Variants in CACNB4 observed in about 807,000 individuals in gnomAD.
CACNB4 encodes voltage-dependent L-type calcium channel subunit beta-4.
CACNB4 carries 32 observed loss-of-function variants against 71.2 expected under a neutral mutation model. The observed-to-expected ratio is 0.45, with a 90% CI of 0.34 to 0.60. The LOEUF (loss-of-function observed/expected upper bound fraction) is 0.60. Among genes scored for constraint, CACNB4 ranks in the 20% least tolerant of loss-of-function variants. The pLI is 0.01. For synonymous variants in CACNB4, 231 were observed against 236.9 expected, an observed-to-expected ratio of 0.97 and a Z score of 0.23; for missense variants, 464 against 647.9, an observed-to-expected ratio of 0.72 and a Z score of 3.08.
At position 151,839,198 on chromosome 2, in the gene CACNB4, G is replaced by T; in HGVS notation, c.1484C>A (p.Ser495Ter). ...ATGGGGTTTGTAAGTGTCCTGGTAT[G>T]AGTCAGGGTAATCTTCTTCCACAAG... Reference protein sequence around the residue: ...YPLVEEDYPDSYQDTYKPHRN... With the variant: ...YPLVEEDYPD The change falls in exon 14 of 14, where the codon TCA (serine) becomes TAA (stop). Residue 495 changes from serine to a stop codon, truncating the protein, a stop_gained. Coordinates refer to ENST00000539935, the MANE Select transcript of CACNB4 (RefSeq NM_000726.5). LOFTEE classifies it high-confidence loss of function. 1 of 1,613,384 alleles carries T rather than the reference G, an allele frequency of 6.2e-7. No homozygotes were observed. Among genetic ancestry groups the T allele is most frequent in the East Asian group, 2.2e-5 (1 of 44,876 alleles).
intron 13 of CACNB4, among the ~76,000 whole-genome samples, chr2:151,840,821 T>C (rs922492417): frequency 1.3e-5 from 2 of 152,244 alleles, no homozygotes; most frequent in African/African-American, 2.4e-5. Context: ...AAACTCATCA[T>C]GATACAAGAG....
At chr2:151,983,738 G>A (rs2099875139) in intron 2 of CACNB4, among the ~76,000 whole-genome samples, 1 of 149,080 alleles carries the variant, frequency 6.7e-6, no homozygotes, top group South Asian at 2.1e-4. Context: ...ATTTAGTAAT[G>A]CATTTTTCTT....
intron 2 of CACNB4, among the ~76,000 whole-genome samples, chr2:152,026,268 C>T (rs761323200): frequency 1.6e-4 from 25 of 152,198 alleles, no homozygotes; most frequent in Non-Finnish European, 3.2e-4. Context: ...TCCTCCTTCC[C>T]TCCTGAATCT....
intron 2 of CACNB4, among the ~76,000 whole-genome samples, chr2:151,895,770 CAAT>C (rs917890450): frequency 6.6e-6 from 1 of 150,644 alleles, no homozygotes; most frequent in African/African-American, 2.4e-5. Context: ...CTATCAAAAC[CAAT>C]AATAACCACT....
At chr2:151,885,175 G>C (rs1278410410) in intron 2 of CACNB4, among the ~76,000 whole-genome samples, 1 of 152,162 alleles carries the variant, frequency 6.6e-6, no homozygotes, top group Non-Finnish European at 1.5e-5. Context: ...TCTAAATTTT[G>C]CCTCTGCAAC....
At chr2:151,989,468 T>C (rs1398446525) in intron 2 of CACNB4, among the ~76,000 whole-genome samples, 5 of 152,230 alleles carry the variant, frequency 3.3e-5, no homozygotes, top group African/African-American at 1.2e-4. Context: ...TCTGACACTA[T>C]TGACCTTTCT....
chr2:152,051,030 A>C (rs1337203065), intron 2 of CACNB4, among the ~76,000 whole-genome samples: 1 of 151,930 alleles, frequency 6.6e-6, no homozygotes, highest in Non-Finnish European at 1.5e-5. Context: ...CGGCCTCCCA[A>C]GTGCTGGGAT....
intron 2 of CACNB4, among the ~76,000 whole-genome samples, chr2:152,012,229 C>A (rs534294236): frequency 6.6e-6 from 1 of 152,070 alleles, no homozygotes; most frequent in Admixed American, 6.5e-5. Flanking sequence ...CCTTCCAGTG[C>A]GAAAAGATGT....
At chr2:152,073,610 T>C (rs1806702) in intron 2 of CACNB4, among the ~76,000 whole-genome samples, 30,450 of 152,102 alleles carry the variant, frequency 0.2, 3,290 homozygotes, top group Middle Eastern at 0.36. Flanking sequence ...TGTTAAGGGA[T>C]TGGAAAACAG....
At chr2:151,892,545 A>T (rs936192570) in intron 2 of CACNB4, among the ~76,000 whole-genome samples, 4 of 152,148 alleles carry the variant, frequency 2.6e-5, no homozygotes, top group South Asian at 2.1e-4. Flanking sequence ...TGATTTTTTT[A>T]AAAAACTGGC....
rs529850597 is a variant in CACNB4 at position 152,085,966 on chromosome 2, G to A, written c.147+12364C>T. ...AACAATTGTTAGAAAACATACCAAG[G>A]TCCTTGTTTTTTATTCAACAATTAG... is the stretch of plus-strand genomic sequence containing the variant. On this transcript the variant is annotated intron_variant, in intron 2 of 13. Coordinates refer to ENST00000539935, the MANE Select transcript of CACNB4 (RefSeq NM_000726.5). Among the ~76,000 whole-genome samples, 10 of 151,936 alleles carry A rather than the reference G, an allele frequency of 6.6e-5. No individual in the cohort carries two copies. The East Asian group carries it at 1.9e-3, about 29-fold the overall frequency.
intron 2 of CACNB4, among the ~76,000 whole-genome samples, chr2:151,934,740 G>A (rs1291228505): frequency 6.6e-6 from 1 of 152,132 alleles, no homozygotes; most frequent in Non-Finnish European, 1.5e-5. Flanking sequence ...GGGAGGCTGA[G>A]GCAAGAGAAC....
rs573687910 is a variant in CACNB4, at chr2:151,941,313, G to A, written c.148-57943C>T. Among the ~76,000 whole-genome samples the A allele has an allele frequency of 1.1e-4, 14 of 128,714 alleles. No individual in the cohort carries two copies. The South Asian group carries it at 1.6e-3, about 15-fold the overall frequency. 84.4% of individuals were successfully genotyped at this position (128,714 alleles called of 152,430 possible). On this transcript the variant is annotated intron_variant, in intron 2 of 13. Coordinates refer to ENST00000539935, the MANE Select transcript of CACNB4 (RefSeq NM_000726.5). ...TTTTTTTTTTTTTAGCTTGCGTCTC[G>A]CTCTGTCGTCCAGGCTGAAATGTAG... is the stretch of plus-strand genomic sequence containing the variant.
chr2:151,964,069 G>GAAAAAAAAAAAAAAAA (rs397825547), intron 2 of CACNB4, among the ~76,000 whole-genome samples: 1 of 99,264 alleles, frequency 1.0e-5, no homozygotes, highest in Non-Finnish European at 1.8e-5. Flanking sequence ...CTGTCTCACA[G>GAAAAAAAAAAAAAAAA]AAAAAAAAAA....
At chr2:152,020,744 G>C (rs1382791645) in intron 2 of CACNB4, among the ~76,000 whole-genome samples, 2 of 152,162 alleles carry the variant, frequency 1.3e-5, no homozygotes, top group Non-Finnish European at 2.9e-5. Flanking sequence ...GGTTAGAATT[G>C]AGAGCACACC....
At chr2:151,891,850 A>T (rs2099850788) in intron 2 of CACNB4, among the ~76,000 whole-genome samples, 1 of 152,178 alleles carries the variant, frequency 6.6e-6, no homozygotes, top group African/African-American at 2.4e-5. Context: ...GTCACAGAAT[A>T]ACAACATGGG....
At chr2:152,005,397 A>G (rs1682665546) in intron 2 of CACNB4, among the ~76,000 whole-genome samples, 1 of 152,232 alleles carries the variant, frequency 6.6e-6, no homozygotes, top group Non-Finnish European at 1.5e-5. Context: ...GGAGGCTGTC[A>G]TCCTAAGAGA....
rs2099834638 is a variant in CACNB4 at position 151,835,185 on chromosome 2, A to G, written c.*3934T>C. Reference sequence around the variant, plus strand: ...AGATATTATAACAAGTTGCACACAAAGGCAATTCCCTTGCAGTTTGTTTTG... The same window carrying G: ...AGATATTATAACAAGTTGCACACAAGGGCAATTCCCTTGCAGTTTGTTTTG... On this transcript the variant is annotated 3_prime_UTR_variant, in exon 14 of 14. Coordinates refer to ENST00000539935, the MANE Select transcript of CACNB4 (RefSeq NM_000726.5). 1 of 151,922 alleles carries G rather than the reference A, an allele frequency of 6.6e-6. No individual in the cohort carries two copies. Among genetic ancestry groups the G allele is most frequent in the Non-Finnish European group, 1.5e-5 (1 of 67,814 alleles). The allele number at this position is 151,922 out of a possible 1,614,324, so 9.4% of individuals were successfully genotyped here. A position where few individuals can be genotyped will look rare whatever the true frequency, so the allele number is the denominator to read the frequency against.
At chr2:151,859,516 T>C (rs746440684) in intron 10 of CACNB4, 1 of 152,246 alleles carries the variant, frequency 6.6e-6, no homozygotes, top group Non-Finnish European at 1.5e-5. Context: ...CTGTCACCCA[T>C]GATATTTAAC....
Sources: allele counts gnomAD v4.1 joint callset (sites outside exome capture counted in the v4.1 genomes callset), GRCh38; gene constraint gnomAD v4.1.1; transcripts MANE v1.5; gene names NCBI Gene and HGNC (gene_info 2026-07-23, HGNC 2026-07-21).